The following PRTG variants were observed in gnomAD, a reference collection of about 807,000 sequenced individuals.
PRTG encodes immunoglobulin superfamily, DCC subclass, member 5.
PRTG carries 67 observed loss-of-function variants against 122.5 expected under a neutral mutation model. The observed-to-expected ratio is 0.55, with a 90% CI of 0.45 to 0.67. The LOEUF is 0.67. Among genes scored for constraint, PRTG ranks in the 30% least tolerant of loss-of-function variants. PRTG has a pLI of 0.00. For missense variants in PRTG, 1,435 were observed against 1,415.4 expected (o/e 1.01, Z -0.22); for synonymous variants, 554 against 501.1 (o/e 1.11, Z -1.41).
At chr15:55,649,748 G>C (rs1385073468) in intron 11 of PRTG, among the ~76,000 whole-genome samples, 1 of 151,732 alleles carries the variant, frequency 6.6e-6, no homozygotes, top group Non-Finnish European at 1.5e-5. Context: ...GCTGAGATTG[G>C]GTCACTGCAC....
chr15:55,628,987 A>T lies in PRTG; in HGVS notation c.2641T>A (p.Leu881Met). ...LHREGAITMA[L>M]LENLVAGNVY... The stretch of plus-strand genomic sequence containing the variant: ...TTTCCTGCTACCAAGTTTTCTAGCA[A>T]AGCCATGGTTATTGCCCCTAGAAAT... The change falls in exon 16 of 20, where the codon TTG (leucine) becomes ATG (methionine). Residue 881 changes from leucine (L) to methionine (M), a missense_variant. Physicochemically the swap from Leu to Met is conservative, Grantham distance 15 (BLOSUM62 2). Transcript: ENST00000389286. The T allele has an allele frequency of 6.2e-7, 1 of 1,611,518 alleles. No homozygotes were observed. Among genetic ancestry groups the T allele is most frequent in the Non-Finnish European group, 8.5e-7 (1 of 1,178,286 alleles).
chr15:55,624,561 A>G (rs1172271759), intron 17 of PRTG, 54 bp from the exon 18 acceptor site: 10 of 1,509,016 alleles, frequency 6.6e-6, no homozygotes, highest in Non-Finnish European at 9.0e-6. Context: ...GATGCAGGCA[A>G]ATGAACCACC....
chr15:55,730,900 T>C (rs1292894744), intron 2 of PRTG, among the ~76,000 whole-genome samples: 3 of 152,200 alleles, frequency 2.0e-5, no homozygotes, highest in Non-Finnish European at 4.4e-5. Context: ...AGCTTCCTAT[T>C]CCTTATTTGC....
chr15:55,722,640 T>C (rs770787045), intron 2 of PRTG, among the ~76,000 whole-genome samples: 6 of 152,092 alleles, frequency 3.9e-5, no homozygotes, highest in Non-Finnish European at 7.3e-5. Flanking sequence ...GTTTCCAGAG[T>C]AGGAAGAGAT....
At chr15:55,678,541 T>C (rs183554311) in intron 7 of PRTG, among the ~76,000 whole-genome samples, 46 of 152,344 alleles carry the variant, frequency 3.0e-4, no homozygotes, top group African/African-American at 1.0e-3. Context: ...CCACCATGTC[T>C]GGCTTATAGT....
In PRTG at chr15:55,640,973, A is replaced by G. The variant is rs1476600696; in HGVS notation, c.2137+140T>C. 5.6e-6 allele frequency: 3 copies of G among 537,340 alleles called. No individual in the cohort carries two copies. The East Asian group carries it at 9.4e-5, about 17-fold the overall frequency. The allele number at this position is 537,340 out of a possible 1,614,324, so 33.3% of individuals were successfully genotyped here. ...GCAACAAACAAACAAACAAAACAAA[A>G]AAACTACGCTATACAGCACAGAGGA... On this transcript the variant is annotated intron_variant, in intron 12 of 19. Transcript: ENST00000389286.
In PRTG at chr15:55,677,938, T is replaced by C. The variant is rs1036255164; in HGVS notation, c.1240A>G (p.Met414Val). The C allele has an allele frequency of 1.2e-6, 2 of 1,613,816 alleles. No homozygotes were observed. Among genetic ancestry groups the C allele is most frequent in the South Asian group, 1.1e-5 (1 of 91,082 alleles). ...ILSRARLTVV[M>V]SEDRPSAPYN... ...GGAGCACTGGGTCTGTCTTCTGACA[T>C]CACTACAGTCAGTCTGGCTCTAGAT... is the stretch of plus-strand genomic sequence containing the variant. Residue 414 changes from methionine to valine, a missense_variant, in exon 8 of 20, where the codon ATG (methionine) becomes GTG (valine). By Grantham distance (21) the Met-to-Val change is conservative (BLOSUM62 1). Transcript: ENST00000389286.
intron 2 of PRTG, among the ~76,000 whole-genome samples, chr15:55,708,756 G>A (rs573447756): frequency 8.5e-4 from 129 of 152,240 alleles, no homozygotes; most frequent in Non-Finnish European, 1.5e-3. Flanking sequence ...AACAGGCTTA[G>A]CCAGGGTTAT....
chr15:55,639,586 G>A, intron 13 of PRTG, 56 bp downstream of exon 13: 1 of 1,475,528 alleles, frequency 6.8e-7, no homozygotes, highest in Non-Finnish European at 9.4e-7. Flanking sequence ...GTAGAAGTTG[G>A]AGTGGGGGTG....
At chr15:55,725,244 G>A (rs1567116174) in intron 2 of PRTG, among the ~76,000 whole-genome samples, 1 of 152,118 alleles carries the variant, frequency 6.6e-6, no homozygotes, top group Non-Finnish European at 1.5e-5. Context: ...AGGATGTTAA[G>A]TATAATTCCT....
intron 2 of PRTG, among the ~76,000 whole-genome samples, chr15:55,718,830 C>T (rs1305071172): frequency 6.6e-6 from 1 of 152,044 alleles, no homozygotes; most frequent in African/African-American, 2.4e-5. Flanking sequence ...GCAACCTCCA[C>T]CTCCTGGGTT....
rs1350281250 is a variant in PRTG, at chr15:55,632,902, CTCAG to C, written c.2624-3902_2624-3899del. Reference sequence around the variant, plus strand: ...AATAGAGCCTGGCACATAGTCATCACTCAGTAAGAATTAGTTTAGTAAAAGAAAA... The same window carrying C: ...AATAGAGCCTGGCACATAGTCATCACTAAGAATTAGTTTAGTAAAAGAAAA... On this transcript the variant is annotated intron_variant, in intron 15 of 19. Coordinates refer to ENST00000389286, the MANE Select transcript of PRTG (RefSeq NM_173814.6). 2.6e-5 allele frequency among the ~76,000 whole-genome samples: 4 copies of C among 152,196 alleles called. No homozygotes were observed. In the East Asian group the frequency reaches 7.7e-4, roughly 29 times the overall value.
At chr15:55,738,233 T>C (rs2031499129) in intron 2 of PRTG, 3 of 351,728 alleles carry the variant, frequency 8.5e-6, no homozygotes, top group Non-Finnish European at 1.5e-5. Flanking sequence ...CATGTAATTA[T>C]TTATTATTAG....
chr15:55,710,858 G>A (rs779200416), intron 2 of PRTG, among the ~76,000 whole-genome samples: 1 of 151,938 alleles, frequency 6.6e-6, no homozygotes, highest in Non-Finnish European at 1.5e-5. Context: ...GCCCCGAGAC[G>A]ACTTGCCTCT....
intron 2 of PRTG, among the ~76,000 whole-genome samples, chr15:55,696,066 T>C (rs930340948): frequency 6.6e-6 from 1 of 151,908 alleles, no homozygotes; most frequent in Non-Finnish European, 1.5e-5. Flanking sequence ...TTTGAGGAGT[T>C]TGAGACCAGC....
chr15:55,641,271 A>G, intron 11 of PRTG, 63 bp from the exon 12 acceptor site: 2 of 1,218,176 alleles, frequency 1.6e-6, no homozygotes, highest in Non-Finnish European at 2.4e-6. Context: ...AAGGTTCTGA[A>G]TGAAGCCTTT....
chr15:55,629,369 A>ATGTGTGTGTGTG (rs1413549067), intron 15 of PRTG, among the ~76,000 whole-genome samples: 2 of 34,362 alleles, frequency 5.8e-5, no homozygotes, highest in African/African-American at 2.0e-4. Flanking sequence ...GTATATATAT[A>ATGTGTGTGTGTG]TATATATGTG....
rs1237228703 is a variant in PRTG, at chr15:55,614,064, C to T, written c.*5948G>A. ...AATGACCAGCTTTCTTATGCTTACT[C>T]GGAGTATTATTCTGGCCTTTCTCAT... On this transcript the variant is annotated 3_prime_UTR_variant, in exon 20 of 20. Coordinates refer to ENST00000389286, the MANE Select transcript of PRTG (RefSeq NM_173814.6). 6.6e-6 allele frequency: 1 copy of T among 152,036 alleles called. No individual in the cohort carries two copies. Among genetic ancestry groups the T allele is most frequent in the Non-Finnish European group, 1.5e-5 (1 of 67,962 alleles). The allele number at this position is 152,036 out of a possible 1,614,324, so 9.4% of individuals were successfully genotyped here.
At chr15:55,652,694 G>A (rs556603893) in intron 11 of PRTG, among the ~76,000 whole-genome samples, 23 of 152,258 alleles carry the variant, frequency 1.5e-4, no homozygotes, top group Non-Finnish European at 2.4e-4. Context: ...AAAGGGAGCC[G>A]AGTGAAACGC....
Sources: allele counts gnomAD v4.1 joint callset (sites outside exome capture counted in the v4.1 genomes callset), GRCh38; gene constraint gnomAD v4.1.1; transcripts MANE v1.5; gene names NCBI Gene and HGNC (gene_info 2026-07-23, HGNC 2026-07-21).